WDR76: variants seen among roughly 807,000 people sequenced by gnomAD.
The protein encoded by WDR76 is WD repeat-containing protein 76.
WDR76 carries 52 observed loss-of-function variants against 70.2 expected under a neutral mutation model. The observed-to-expected ratio is 0.74, with a 90% CI of 0.59 to 0.93. The LOEUF (loss-of-function observed/expected upper bound fraction) is 0.93. Ranked by LOEUF, WDR76 falls within the 40% of genes least tolerant of loss-of-function variation. The pLI is 0.00. For missense variants in WDR76, 756 were observed against 760.2 expected (o/e 0.99, Z 0.07); for synonymous variants, 292 against 271.1 (o/e 1.08, Z -0.76).
Position 43,836,132 on chromosome 15 carries a change from C to T in WDR76, c.553-29C>T, listed in dbSNP as rs527375603. ...TAAAAGGTAAGATACGTAGTTATAA[C>T]ATTTTTACATGATTTTTATACTTTA... On this transcript the variant is annotated intron_variant, in intron 3 of 12. Transcript: ENST00000263795. The T allele has an allele frequency of 1.1e-5, 17 of 1,591,822 alleles. No individual in the cohort carries two copies. The East Asian group carries it at 1.6e-4, about 15-fold the overall frequency.
At chr15:43,849,270 G>C (rs1489173833) in intron 8 of WDR76, among the ~76,000 whole-genome samples, 1 of 150,976 alleles carries the variant, frequency 6.6e-6, no homozygotes, top group Non-Finnish European at 1.5e-5. Flanking sequence ...AAAATAAAAA[G>C]CATAATGACT....
At chr15:43,827,170 A>AT in intron 1 of WDR76, 78 bp downstream of exon 1, 1 of 1,590,028 alleles carries the variant, frequency 6.3e-7, no homozygotes, top group Non-Finnish European at 8.6e-7. Flanking sequence ...CAGGCCCAGG[A>AT]GGTCGAGGGC....
chr15:43,827,241 T>C, intron 1 of WDR76, 149 bp downstream of exon 1: 1 of 861,576 alleles, frequency 1.2e-6, no homozygotes, highest in South Asian at 1.7e-5. Context: ...TGACGAAAGG[T>C]TCTTATCAAT....
At chr15:43,838,341 A>G (rs2087683511) in intron 4 of WDR76, among the ~76,000 whole-genome samples, 1 of 152,102 alleles carries the variant, frequency 6.6e-6, no homozygotes, top group Non-Finnish European at 1.5e-5. Context: ...GCTCATGACC[A>G]TGCTCTGCTA....
At position 43,841,864 on chromosome 15, in the gene WDR76, T is replaced by C. The variant is rs568921184; in HGVS notation, c.733-551T>C. 1.1e-4 allele frequency among the ~76,000 whole-genome samples: 17 copies of C among 152,092 alleles called. No homozygotes were observed. In the South Asian group the frequency reaches 3.5e-3, roughly 32 times the overall value. ...CTCTTAAGTTTCTGGGGTTTTTTTG[T>C]TTTTGTTTTTTGTTTTTTTTTGAGA... On this transcript the variant is annotated intron_variant, in intron 5 of 12. Transcript: ENST00000263795.
At chr15:43,829,448 G>A (rs762520715) in intron 2 of WDR76, among the ~76,000 whole-genome samples, 8 of 151,086 alleles carry the variant, frequency 5.3e-5, no homozygotes, top group Non-Finnish European at 1.2e-4. Flanking sequence ...GGGACAGCAT[G>A]GGGTAAGTAT....
At chr15:43,843,749 T>C (rs951658348) in intron 7 of WDR76, 152 bp from the exon 8 acceptor site, 19 of 693,280 alleles carry the variant, frequency 2.7e-5, no homozygotes, top group Middle Eastern at 4.3e-4. Flanking sequence ...AGTGAAAGAA[T>C]ATTGCTTAAT....
intron 4 of WDR76, among the ~76,000 whole-genome samples, chr15:43,836,986 G>A (rs1316384192): frequency 6.7e-6 from 1 of 150,146 alleles, no homozygotes; most frequent in Non-Finnish European, 1.5e-5. Context: ...GTCATGGTGA[G>A]CCAAGATTGC....
At chr15:43,847,317 G>A (rs1488024514) in intron 8 of WDR76, among the ~76,000 whole-genome samples, 1 of 151,754 alleles carries the variant, frequency 6.6e-6, no homozygotes, top group Non-Finnish European at 1.5e-5. Flanking sequence ...CTGGAGTGCT[G>A]TGGTGTGATC....
intron 11 of WDR76, among the ~76,000 whole-genome samples, chr15:43,859,916 C>T (rs1213114094): frequency 6.6e-6 from 1 of 152,182 alleles, no homozygotes; most frequent in Non-Finnish European, 1.5e-5. Context: ...CTGTAGTGCT[C>T]AGTGGAGGCT....
At chr15:43,853,439 C>A (rs1418685135) in intron 9 of WDR76, among the ~76,000 whole-genome samples, 1 of 152,124 alleles carries the variant, frequency 6.6e-6, no homozygotes, top group Non-Finnish European at 1.5e-5. Context: ...GATCTGCCCA[C>A]CTTGGCCTTC....
intron 9 of WDR76, among the ~76,000 whole-genome samples, chr15:43,856,420 TATA>T (rs961530932): frequency 6.6e-6 from 1 of 152,184 alleles, no homozygotes; most frequent in Non-Finnish European, 1.5e-5. Flanking sequence ...CATATTAAAA[TATA>T]ATTTCAATTG....
At chr15:43,846,094 G>C (rs901318543) in intron 8 of WDR76, among the ~76,000 whole-genome samples, 3 of 149,848 alleles carry the variant, frequency 2.0e-5, no homozygotes, top group African/African-American at 7.3e-5. Flanking sequence ...TCAAGGATGG[G>C]AGGTTGACAG....
At chr15:43,839,794 CTA>C (rs1335497402) in intron 5 of WDR76, 66 bp downstream of exon 5, 1 of 1,460,556 alleles carries the variant, frequency 6.8e-7, no homozygotes, top group African/African-American at 1.5e-5. Flanking sequence ...AGTGTTGAAA[CTA>C]GACTAAAAGT....
chr15:43,838,906 G>A (rs1237856351), intron 4 of WDR76, among the ~76,000 whole-genome samples: 2 of 152,052 alleles, frequency 1.3e-5, no homozygotes, highest in African/African-American at 2.4e-5. Context: ...ATGGAATGTT[G>A]ACTACAGTTT....
Position 43,858,243 on chromosome 15 carries a change from G to GT in WDR76, c.1410-416dup, listed in dbSNP as rs5812252. Reference sequence around the variant, plus strand: ...ACCATGCCTGGCCTTAGAGAGTTCTGTTTTTTTTTTTTGTTTGTTTGTTTG... The same window carrying GT: ...ACCATGCCTGGCCTTAGAGAGTTCTGTTTTTTTTTTTTTGTTTGTTTGTTTG... On this transcript the variant is annotated intron_variant, in intron 10 of 12. Transcript: ENST00000263795. 2.2e-3 allele frequency among the ~76,000 whole-genome samples: 314 copies of GT among 143,152 alleles called. 2 individuals are homozygous for GT. The highest frequency in any genetic ancestry group is 3.6e-3 in the Middle Eastern group (1 of 280). 93.9% of individuals were successfully genotyped at this position (143,152 alleles called of 152,430 possible).
At chr15:43,865,549 G>A (rs1380346174) in intron 12 of WDR76, among the ~76,000 whole-genome samples, 1 of 152,176 alleles carries the variant, frequency 6.6e-6, no homozygotes, top group Non-Finnish European at 1.5e-5. Context: ...GGGATTACAG[G>A]TGTGAGCCAC....
rs1013947580 is a variant in WDR76, at chr15:43,828,443, G to A, written c.462+77G>A. 22 of 1,339,130 alleles carry A rather than the reference G, an allele frequency of 1.6e-5. No individual in the cohort carries two copies. In the African/African-American group the frequency reaches 2.6e-4, roughly 16 times the overall value. 83.0% of individuals were successfully genotyped at this position (1,339,130 alleles called of 1,614,324 possible). ...GTTCTGATAAATCGAAGTTTTTCGA[G>A]GATCTCTCTGGTACAAACAAGTTAT... On this transcript the variant is annotated intron_variant, in intron 2 of 12. Transcript: ENST00000263795.
chr15:43,838,784 A>T (rs962882924), intron 4 of WDR76, among the ~76,000 whole-genome samples: 1 of 151,982 alleles, frequency 6.6e-6, no homozygotes. Context: ...AACATTCTTA[A>T]GTCTCTTAGT....
Sources: allele counts gnomAD v4.1 joint callset (sites outside exome capture counted in the v4.1 genomes callset), GRCh38; gene constraint gnomAD v4.1.1; transcripts MANE v1.5; gene names NCBI Gene and HGNC (gene_info 2026-07-23, HGNC 2026-07-21).